Variants in TECTB observed in about 807,000 individuals in gnomAD.
TECTB encodes beta-tectorin.
Under a neutral mutation model 43.3 loss-of-function variants are expected in TECTB, and 45 were observed. The ratio of observed to expected loss-of-function variants is 1.04; its 90% CI spans 0.82 to 1.33. TECTB has a LOEUF of 1.33. Ranked by LOEUF, TECTB falls within the 40% of genes most tolerant of loss-of-function variation. The pLI is 0.00. For synonymous variants in TECTB, 169 were observed against 156.7 expected (o/e 1.08, Z -0.59); for missense variants, 399 against 404.7 (o/e 0.99, Z 0.12).
intron 7 of TECTB, among the ~76,000 whole-genome samples, chr10:112,295,104 T>C (rs984098327): frequency 6.6e-6 from 1 of 152,224 alleles, no homozygotes; most frequent in Non-Finnish European, 1.5e-5. Context: ...AGACAAGAGA[T>C]GTGGACATCA....
rs1848635991 is a variant in TECTB, at chr10:112,304,411, G to C, written c.*1099G>C. On this transcript the variant is annotated 3_prime_UTR_variant, in exon 11 of 11. Transcript: ENST00000646139. ...ATGAAAGCATGCAGTAGCACATCTT[G>C]GTAACTGGCCACCCCAGTGATCCAG... The C allele has an allele frequency of 6.6e-6, 1 of 152,156 alleles. No homozygotes were observed. Among genetic ancestry groups the C allele is most frequent in the South Asian group, 2.1e-4 (1 of 4,824 alleles). 9.4% of individuals were successfully genotyped at this position (152,156 alleles called of 1,614,324 possible).
At chr10:112,293,609 C>G (rs1283263318) in intron 5 of TECTB, 129 bp from the exon 6 acceptor site, 2 of 750,442 alleles carry the variant, frequency 2.7e-6, no homozygotes, top group African/African-American at 1.8e-5. Context: ...GAGGATCACT[C>G]TATGGTCTCA....
intron 9 of TECTB, among the ~76,000 whole-genome samples, chr10:112,300,273 AG>A (rs1179218875): frequency 1.3e-4 from 4 of 31,172 alleles, no homozygotes; most frequent in South Asian, 2.4e-3. Flanking sequence ...AAAGAAAGAA[AG>A]AAAGAAAAGA....
At chr10:112,303,131 G>T (rs756462461) in intron 10 of TECTB, 132 bp from the exon 11 acceptor site, 1 of 1,057,978 alleles carries the variant, frequency 9.5e-7, no homozygotes, top group Non-Finnish European at 1.5e-6. Flanking sequence ...ATCCCCAAGG[G>T]ATGAACAAAA....
intron 5 of TECTB, among the ~76,000 whole-genome samples, chr10:112,292,539 A>G (rs1848507735): frequency 6.6e-6 from 1 of 152,062 alleles, no homozygotes. Flanking sequence ...GGTTCAAGAG[A>G]TCTTCCTGCC....
At chr10:112,301,984 T>C in intron 9 of TECTB, 117 bp from the exon 10 acceptor site, 4 of 1,256,572 alleles carry the variant, frequency 3.2e-6, no homozygotes, top group Non-Finnish European at 4.5e-6. Context: ...GTGCTGGGAT[T>C]ACAAGTGTGA....
chr10:112,286,028 C>T (rs746145914), intron 3 of TECTB, 43 bp from the exon 4 acceptor site: 10 of 1,610,186 alleles, frequency 6.2e-6, no homozygotes, highest in African/African-American at 4.0e-5. Flanking sequence ...ATTCCCATCG[C>T]GGGGAAACAG....
chr10:112,290,532 T>C (rs79711638), intron 5 of TECTB, among the ~76,000 whole-genome samples: 97 of 152,308 alleles, frequency 6.4e-4, no homozygotes, highest in African/African-American at 2.2e-3. Flanking sequence ...GGTTCTTCCA[T>C]GAGGAGAGGT....
intron 3 of TECTB, 42 bp from the exon 4 acceptor site, chr10:112,286,029 G>T: frequency 6.2e-7 from 1 of 1,610,442 alleles, no homozygotes; most frequent in East Asian, 2.2e-5. Flanking sequence ...TTCCCATCGC[G>T]GGGAAACAGA....
rs746498190 is a variant in TECTB at position 112,294,030 on chromosome 10, T to C, written c.640T>C (p.Tyr214His). The C allele has an allele frequency of 6.5e-5, 105 of 1,614,116 alleles. No individual in the cohort carries two copies. The Middle Eastern group carries it at 9.9e-4, about 15-fold the overall frequency. The change falls in exon 7 of 11, where the codon TAT becomes CAT. Residue 214 changes from tyrosine to histidine, a missense_variant. Physicochemically the swap from Tyr to His is moderately conservative, Grantham distance 83. Transcript: ENST00000646139. ...GGCCACCCCCTCGGCTGACTTCATG[T>C]ATCCCTTGCAGTGGCAGCTGATCAA... The part of the protein sequence containing the change: ...CWATPSADFM[Y>H]PLQWQLINKG...
intron 5 of TECTB, among the ~76,000 whole-genome samples, chr10:112,287,285 C>G (rs929699677): frequency 3.3e-5 from 5 of 152,212 alleles, no homozygotes; most frequent in African/African-American, 1.2e-4. Context: ...ACACTTTGGT[C>G]TCTCTCAAAA....
chr10:112,295,097 C>T (rs1216912790), intron 7 of TECTB, among the ~76,000 whole-genome samples: 1 of 152,190 alleles, frequency 6.6e-6, no homozygotes, highest in Non-Finnish European at 1.5e-5. Flanking sequence ...CAGGGCTAGA[C>T]AAGAGATGTG....
rs115796359 is a variant in TECTB at position 112,294,591 on chromosome 10, C to T, written c.671+530C>T. On this transcript the variant is annotated intron_variant, in intron 7 of 10. Coordinates refer to ENST00000646139, the MANE Select transcript of TECTB (RefSeq NM_058222.3). Reference sequence around the variant, plus strand: ...TTTTATTACTAATTAAGTAGATAACCGGGAGCTTTTACAATTTGGAGTAAA... The same window carrying T: ...TTTTATTACTAATTAAGTAGATAACTGGGAGCTTTTACAATTTGGAGTAAA... Among the ~76,000 whole-genome samples, 506 of 152,190 alleles carry T rather than the reference C, an allele frequency of 3.3e-3. 7 individuals are homozygous for T. The highest frequency in any genetic ancestry group is 0.011 in the African/African-American group (477 of 41,514).
In TECTB at chr10:112,299,135, A is replaced by G. The variant is rs543464375; in HGVS notation, c.835-357A>G. Among the ~76,000 whole-genome samples the G allele has an allele frequency of 2.2e-4, 34 of 152,308 alleles. No individual in the cohort carries two copies. The South Asian group carries it at 6.8e-3, about 31-fold the overall frequency. ...GAAAGAAAAGAAAATGAACCAGAAT[A>G]CAATTGCAAGTGTCCACTTCTCTAA... On this transcript the variant is annotated intron_variant, in intron 8 of 10. Coordinates refer to ENST00000646139, the MANE Select transcript of TECTB (RefSeq NM_058222.3).
At chr10:112,294,181 A>G (rs1322412436) in intron 7 of TECTB, 120 bp downstream of exon 7, 1 of 817,906 alleles carries the variant, frequency 1.2e-6, no homozygotes, top group Non-Finnish European at 2.0e-6. Context: ...TACAGCAGTG[A>G]CACCATCTGT....
intron 5 of TECTB, among the ~76,000 whole-genome samples, chr10:112,289,609 G>T (rs926194001): frequency 3.3e-5 from 5 of 152,178 alleles, no homozygotes; most frequent in African/African-American, 1.2e-4. Context: ...TTATCTGGCT[G>T]ACAGTACTTC....
At position 112,300,279 on chromosome 10, in the gene TECTB, A is replaced by AAAGAAAGAAAGAAAGAAAG. The variant is rs1361291056; in HGVS notation, c.907+717_907+718insGAAAGAAAGAAAGAAAGAA. On this transcript the variant is annotated intron_variant, in intron 9 of 10. Transcript: ENST00000646139. ...GAAAGAAAGAAAGAAAGAAAGAAAGAAAAGAAAGAAAGAAAGAAAGAAAGA... is the reference window on the plus strand; with the variant it reads ...GAAAGAAAGAAAGAAAGAAAGAAAGAAAGAAAGAAAGAAAGAAAGAAAGAAAGAAAGAAAGAAAGAAAGA... Among the ~76,000 whole-genome samples, 184 of 48,332 alleles carry AAAGAAAGAAAGAAAGAAAG rather than the reference A, an allele frequency of 3.8e-3. 2 individuals are homozygous for AAAGAAAGAAAGAAAGAAAG. The highest frequency in any genetic ancestry group is 9.6e-3 in the African/African-American group (108 of 11,212). 31.7% of individuals were successfully genotyped at this position (48,332 alleles called of 152,430 possible). A position where few individuals can be genotyped will look rare whatever the true frequency, so the allele number is the denominator to read the frequency against.
intron 2 of TECTB, among the ~76,000 whole-genome samples, chr10:112,284,287 AT>A (rs1344350761): frequency 6.6e-6 from 1 of 152,184 alleles, no homozygotes; most frequent in African/African-American, 2.4e-5. Flanking sequence ...CTTGTTCCAA[AT>A]GGACTAATTT....
chr10:112,292,198 G>T (rs1181329084), intron 5 of TECTB, among the ~76,000 whole-genome samples: 1 of 152,038 alleles, frequency 6.6e-6, no homozygotes. Context: ...TGTTACTAGG[G>T]TTGAATGAAC....
Sources: gnomAD v4.1 joint callset for allele counts (sites outside exome capture counted in the v4.1 genomes callset) on GRCh38, gnomAD v4.1.1 for gene constraint, MANE v1.5 for transcripts, NCBI Gene and HGNC (gene_info 2026-07-23, HGNC 2026-07-21) for gene names.